The following NT5DC1 variants were observed in gnomAD, a reference collection of about 807,000 sequenced individuals.
The protein encoded by NT5DC1 is 5'-nucleotidase domain-containing protein 1.
NT5DC1 carries 42 observed loss-of-function variants against 59.4 expected under a neutral mutation model. The observed-to-expected ratio is 0.71, with a 90% CI of 0.55 to 0.92. The LOEUF is 0.92. Among genes scored for constraint, NT5DC1 ranks in the 40% least tolerant of loss-of-function variants. The pLI is 0.00. For missense variants in NT5DC1, 501 were observed against 537.1 expected (o/e 0.93, Z 0.66); for synonymous variants, 172 against 188.1 (o/e 0.91, Z 0.70).
At chr6:116,183,189 T>C (rs900110747) in intron 6 of NT5DC1, among the ~76,000 whole-genome samples, 1 of 152,120 alleles carries the variant, frequency 6.6e-6, no homozygotes, top group African/African-American at 2.4e-5. Flanking sequence ...GCTGTAAGTA[T>C]TTGGCTTTAT....
intron 8 of NT5DC1, among the ~76,000 whole-genome samples, chr6:116,236,654 GGGCATGATGTCAAGCAGA>G (rs953475383): frequency 3.7e-4 from 56 of 152,074 alleles, no homozygotes; most frequent in African/African-American, 1.1e-3. Context: ...GTAGCAGTAG[GGGCATGATGTCAAGCAGA>G]GGCATGATGT....
Position 116,121,367 on chromosome 6 carries a change from C to G in NT5DC1, c.529+3422C>G, listed in dbSNP as rs760026058. 36 of 1,613,990 alleles carry G rather than the reference C, an allele frequency of 2.2e-5. No homozygotes were observed. In the East Asian group the frequency reaches 7.6e-4, roughly 34 times the overall value. On this transcript the variant is annotated intron_variant, in intron 6 of 11. Transcript: ENST00000319550. ...TCGTTCCCCAGGAGGGCCTTGGGGA[C>G]CTGGTGGGCCAATTGGTCCCATTTC...
At position 116,221,075 on chromosome 6, in the gene NT5DC1, C is replaced by T; in HGVS notation, c.551C>T (p.Pro184Leu). Residue 184 changes from proline (P) to leucine (L), a missense_variant, in exon 7 of 12, where the codon CCA (proline) becomes CTA (leucine). Coordinates refer to ENST00000319550, the MANE Select transcript of NT5DC1 (RefSeq NM_152729.3). ...TCAGAAAACTGTGGAATATATTTTC[C>T]AGAAATAAAAAGAGATCCAGGCAGA... Reference protein sequence around the residue: ...AFKENCGIYFPEIKRDPGRYL... With the variant: ...AFKENCGIYFLEIKRDPGRYL... 3 of 1,523,882 alleles carry T rather than the reference C, an allele frequency of 2.0e-6. No individual in the cohort carries two copies. Among genetic ancestry groups the T allele is most frequent in the Non-Finnish European group, 9.0e-7 (1 of 1,111,206 alleles). 94.4% of individuals were successfully genotyped at this position (1,523,882 alleles called of 1,614,324 possible).
At chr6:116,234,865 A>C (rs1253970957) in intron 8 of NT5DC1, among the ~76,000 whole-genome samples, 1 of 152,172 alleles carries the variant, frequency 6.6e-6, no homozygotes, top group Admixed American at 6.5e-5. Context: ...GGAATTAATA[A>C]TTCTCTGAGT....
intron 6 of NT5DC1, among the ~76,000 whole-genome samples, chr6:116,207,216 G>A (rs1420496155): frequency 6.6e-6 from 1 of 151,884 alleles, no homozygotes; most frequent in Non-Finnish European, 1.5e-5. Context: ...AAGATTGAAG[G>A]TATGCACTCA....
intron 6 of NT5DC1, among the ~76,000 whole-genome samples, chr6:116,171,050 C>T (rs910544437): frequency 6.6e-6 from 1 of 152,132 alleles, no homozygotes; most frequent in Admixed American, 6.5e-5. Flanking sequence ...ACACATCTCT[C>T]TGTTTTTACT....
At chr6:116,171,538 A>G (rs966757816) in intron 6 of NT5DC1, among the ~76,000 whole-genome samples, 6 of 152,364 alleles carry the variant, frequency 3.9e-5, no homozygotes, top group East Asian at 3.9e-4. Flanking sequence ...CATATGTCAT[A>G]TAACTTGAGA....
rs772601369 is a variant in NT5DC1, at chr6:116,167,362, G to A, written c.529+49417G>A. ...CAAGTAATTGGGACTACAGGCATGCGCCACCACTGCCGGCTAATTTTTTGT... is the reference window on the plus strand; with the variant it reads ...CAAGTAATTGGGACTACAGGCATGCACCACCACTGCCGGCTAATTTTTTGT... On this transcript the variant is annotated intron_variant, in intron 6 of 11. Transcript: ENST00000319550. 4.6e-5 allele frequency among the ~76,000 whole-genome samples: 7 copies of A among 151,750 alleles called. No homozygotes were observed. The South Asian group carries it at 6.2e-4, about 14-fold the overall frequency.
At chr6:116,118,872 A>T (rs375685347) in intron 6 of NT5DC1, 1 of 152,322 alleles carries the variant, frequency 6.6e-6, no homozygotes, top group East Asian at 1.9e-4. Flanking sequence ...GGGAATAAAG[A>T]TGCATCACCA....
Position 116,246,517 on chromosome 6 carries a change from A to C in NT5DC1, c.*2493A>C, listed in dbSNP as rs909637762. ...CACTTTTAGTGAACTGGTTTGAATGAAAATAAATTTATATAATTATTTTAT... is the reference window on the plus strand; with the variant it reads ...CACTTTTAGTGAACTGGTTTGAATGCAAATAAATTTATATAATTATTTTAT... On this transcript the variant is annotated 3_prime_UTR_variant, in exon 12 of 12. Coordinates refer to ENST00000319550, the MANE Select transcript of NT5DC1 (RefSeq NM_152729.3). The C allele has an allele frequency of 1.3e-5, 2 of 151,122 alleles. No individual in the cohort carries two copies. The highest frequency in any genetic ancestry group is 2.5e-5 in the African/African-American group (1 of 40,724). 9.4% of individuals were successfully genotyped at this position (151,122 alleles called of 1,614,324 possible).
chr6:116,196,382 A>G (rs895285676), intron 6 of NT5DC1, among the ~76,000 whole-genome samples: 2 of 152,094 alleles, frequency 1.3e-5, no homozygotes, highest in Non-Finnish European at 2.9e-5. Context: ...GAGTTCAGTT[A>G]ATCAAAATTT....
intron 6 of NT5DC1, among the ~76,000 whole-genome samples, chr6:116,215,660 T>C (rs964084078): frequency 1.3e-5 from 2 of 152,126 alleles, no homozygotes; most frequent in Admixed American, 6.6e-5. Flanking sequence ...CCAGTAACCA[T>C]GTCGGAAAGA....
chr6:116,228,368 C>A lies in NT5DC1; in HGVS notation c.802+5237C>A, dbSNP rs575374782. On this transcript the variant is annotated intron_variant, in intron 8 of 11. Coordinates refer to ENST00000319550, the MANE Select transcript of NT5DC1 (RefSeq NM_152729.3). ...TACTAAAAATATAAAATCAGGCGGG[C>A]ATGGTGGCACATGCCTGTAATCCCA... 3.3e-5 allele frequency among the ~76,000 whole-genome samples: 5 copies of A among 152,228 alleles called. 1 individual carries two copies. Among genetic ancestry groups the A allele is most frequent in the African/African-American group, 1.2e-4 (5 of 41,530 alleles).
At chr6:116,172,214 T>C (rs1262701785) in intron 6 of NT5DC1, among the ~76,000 whole-genome samples, 2 of 152,154 alleles carry the variant, frequency 1.3e-5, no homozygotes, top group Non-Finnish European at 2.9e-5. Context: ...TTTTTCACTT[T>C]TACATAGTAT....
intron 6 of NT5DC1, among the ~76,000 whole-genome samples, chr6:116,203,138 T>C (rs553816596): frequency 6.6e-6 from 1 of 152,138 alleles, no homozygotes; most frequent in African/African-American, 2.4e-5. Flanking sequence ...CAAACCAAAT[T>C]ACCAAGTGGT....
chr6:116,187,989 A>T (rs1037251970), intron 6 of NT5DC1, among the ~76,000 whole-genome samples: 5 of 152,080 alleles, frequency 3.3e-5, no homozygotes, highest in Non-Finnish European at 7.4e-5. Flanking sequence ...AAAAAGACCT[A>T]TAAATCAGTA....
At chr6:116,230,968 G>T (rs1343930453) in intron 8 of NT5DC1, among the ~76,000 whole-genome samples, 2 of 151,986 alleles carry the variant, frequency 1.3e-5, no homozygotes, top group Non-Finnish European at 2.9e-5. Flanking sequence ...TTAGCTGGGC[G>T]TGGTGGCAGG....
intron 6 of NT5DC1, among the ~76,000 whole-genome samples, chr6:116,179,994 C>T (rs531519325): frequency 6.6e-6 from 1 of 151,920 alleles, no homozygotes; most frequent in Non-Finnish European, 1.5e-5. Flanking sequence ...ATAAAATACC[C>T]AGAAGTTTAT....
At chr6:116,214,937 G>C (rs1781660952) in intron 6 of NT5DC1, among the ~76,000 whole-genome samples, 1 of 152,028 alleles carries the variant, frequency 6.6e-6, no homozygotes, top group Non-Finnish European at 1.5e-5. Flanking sequence ...TGTCTGATTG[G>C]CCAGTGTGTA....
Sources: gnomAD v4.1 joint callset for allele counts (sites outside exome capture counted in the v4.1 genomes callset) on GRCh38, gnomAD v4.1.1 for gene constraint, MANE v1.5 for transcripts, NCBI Gene and HGNC (gene_info 2026-07-23, HGNC 2026-07-21) for gene names.